ARL5B: variants seen among roughly 807,000 people sequenced by gnomAD.
The protein encoded by ARL5B is ARF like GTPase 5B.
Under a neutral mutation model 26.9 loss-of-function variants are expected in ARL5B, and 10 were observed. That is an observed-to-expected ratio of 0.37 (90% CI 0.23 to 0.63). The LOEUF is 0.63. Ranked by LOEUF, ARL5B falls within the 30% of genes least tolerant of loss-of-function variation. The pLI, the probability that ARL5B is intolerant of heterozygous loss-of-function variation, is 0.62. For synonymous variants in ARL5B, 87 were observed against 70.4 expected, an observed-to-expected ratio of 1.24 and a Z score of -1.18; for missense variants, 167 against 213.9, an observed-to-expected ratio of 0.78 and a Z score of 1.37.
rs113818075 is a variant in ARL5B at position 18,668,375 on chromosome 10, T to C, written c.108-155T>C. Among the ~76,000 whole-genome samples the C allele has an allele frequency of 4.9e-3, 740 of 152,236 alleles. 3 individuals are homozygous for C. Among genetic ancestry groups the C allele is most frequent in the African/African-American group, 0.015 (613 of 41,568 alleles). On this transcript the variant is annotated intron_variant, in intron 2 of 5. Coordinates refer to ENST00000377275, the MANE Select transcript of ARL5B (RefSeq NM_178815.5). ...TTCTTCTGGAGTTGTTATCTAGATA[T>C]TGATTTGCGCAAGTGTTCTCCAGGT...
At chr10:18,669,752 G>A (rs1474710879) in intron 3 of ARL5B, among the ~76,000 whole-genome samples, 3 of 152,116 alleles carry the variant, frequency 2.0e-5, no homozygotes, top group Non-Finnish European at 4.4e-5. Flanking sequence ...CAGCACTTTG[G>A]GAGGCCGAGG....
chr10:18,664,591 C>A (rs924792178), intron 1 of ARL5B, among the ~76,000 whole-genome samples: 2 of 151,812 alleles, frequency 1.3e-5, no homozygotes, highest in African/African-American at 4.8e-5. Flanking sequence ...GCACCCGCCA[C>A]CATGCCCGGC....
chr10:18,668,770 CTTTT>C (rs34027786), intron 3 of ARL5B, 93 bp downstream of exon 3: 1,112 of 902,258 alleles, frequency 1.2e-3, no homozygotes, highest in East Asian at 1.8e-3. Context: ...TGACAGTTGC[CTTTT>C]TTTTTTTTTT....
chr10:18,660,524 G>A (rs2059827538), intron 1 of ARL5B, among the ~76,000 whole-genome samples: 1 of 152,176 alleles, frequency 6.6e-6, no homozygotes, highest in Non-Finnish European at 1.5e-5. Context: ...TTACATTTAA[G>A]AGCCGGGCAT....
At chr10:18,662,414 G>A (rs1415336816) in intron 1 of ARL5B, among the ~76,000 whole-genome samples, 2 of 152,112 alleles carry the variant, frequency 1.3e-5, no homozygotes, top group Admixed American at 6.6e-5. Context: ...TCTAAGTAAA[G>A]CAATGTAAAA....
intron 2 of ARL5B, 120 bp downstream of exon 2, chr10:18,666,755 G>GT (rs1224613340): frequency 6.0e-6 from 5 of 831,164 alleles, no homozygotes; most frequent in African/African-American, 3.5e-5. Flanking sequence ...TTTGTTTTTT[G>GT]TTTTTTTAAT....
At position 18,680,864 on chromosome 10, in the gene ARL5B, C is replaced by T. The variant is rs1423657019; in HGVS notation, c.*5648C>T. ...TCTAATCAGAGTGAATGATTATAAT[C>T]ACACTTTGCTATTTTAACATAAATT... is the stretch of plus-strand genomic sequence containing the variant. On this transcript the variant is annotated 3_prime_UTR_variant, in exon 6 of 6. Transcript: ENST00000377275. 1 of 152,074 alleles carries T rather than the reference C, an allele frequency of 6.6e-6. No homozygotes were observed. The highest frequency in any genetic ancestry group is 2.4e-5 in the African/African-American group (1 of 41,408). The allele number at this position is 152,074 out of a possible 1,614,324, so 9.4% of individuals were successfully genotyped here.
At chr10:18,675,088 T>G in intron 5 of ARL5B, 80 bp from the exon 6 acceptor site, 1 of 1,325,628 alleles carries the variant, frequency 7.5e-7, no homozygotes, top group Non-Finnish European at 1.1e-6. Flanking sequence ...AGCCTTTGGT[T>G]AAGACCTAAA....
rs1191989096 is a variant in ARL5B, at chr10:18,661,032, A to G, written c.46+1349A>G. 2.6e-5 allele frequency among the ~76,000 whole-genome samples: 4 copies of G among 152,086 alleles called. No individual in the cohort carries two copies. In the East Asian group the frequency reaches 7.7e-4, roughly 29 times the overall value. On this transcript the variant is annotated intron_variant, in intron 1 of 5. Coordinates refer to ENST00000377275, the MANE Select transcript of ARL5B (RefSeq NM_178815.5). ...CCCGGCCTATTTTTGTATCTTTAGT[A>G]GAGACAGGGTTTCGCCATGTTGGGC...
rs1019871307 is a variant in ARL5B at position 18,666,817 on chromosome 10, C to A, written c.107+182C>A. Among the ~76,000 whole-genome samples, 7 of 151,732 alleles carry A rather than the reference C, an allele frequency of 4.6e-5. No individual in the cohort carries two copies. The East Asian group carries it at 1.4e-3, about 29-fold the overall frequency. On this transcript the variant is annotated intron_variant, in intron 2 of 5. Transcript: ENST00000377275. The stretch of plus-strand genomic sequence containing the variant: ...TGAGTGAAATAAACATTTGCTAAAC[C>A]CTTCACAAACACTTATTGTTTTCTG...
Position 18,666,511 on chromosome 10 carries a change from T to A in ARL5B, c.47-64T>A, listed in dbSNP as rs2059861814. On this transcript the variant is annotated intron_variant, in intron 1 of 5. Coordinates refer to ENST00000377275, the MANE Select transcript of ARL5B (RefSeq NM_178815.5). ...TAATGAGCTAACTAATAATCATTGTTGAAAGCATGTAATTGCAGTAATGCA... is the reference window on the plus strand; with the variant it reads ...TAATGAGCTAACTAATAATCATTGTAGAAAGCATGTAATTGCAGTAATGCA... The A allele has an allele frequency of 2.3e-6, 3 of 1,323,160 alleles. No individual in the cohort carries two copies. In the East Asian group the frequency reaches 7.2e-5, roughly 32 times the overall value. 82.0% of individuals were successfully genotyped at this position (1,323,160 alleles called of 1,614,324 possible).
intron 4 of ARL5B, among the ~76,000 whole-genome samples, chr10:18,673,295 C>T (rs748400488): frequency 2.0e-5 from 3 of 151,910 alleles, no homozygotes; most frequent in Non-Finnish European, 2.9e-5. Context: ...TTCCTGATGT[C>T]GTTATCCGCC....
At chr10:18,666,754 T>C (rs2059863057) in intron 2 of ARL5B, 119 bp downstream of exon 2, 1 of 856,264 alleles carries the variant, frequency 1.2e-6, no homozygotes, top group African/African-American at 1.7e-5. Flanking sequence ...TTTTGTTTTT[T>C]GTTTTTTTAA....
intron 1 of ARL5B, among the ~76,000 whole-genome samples, chr10:18,663,839 C>T (rs751281624): frequency 6.6e-5 from 10 of 151,116 alleles, no homozygotes; most frequent in African/African-American, 1.9e-4. Context: ...TGAGCTACTG[C>T]GCCCGGCCCC....
At chr10:18,665,801 A>G (rs182173216) in intron 1 of ARL5B, among the ~76,000 whole-genome samples, 1 of 152,340 alleles carries the variant, frequency 6.6e-6, no homozygotes, top group East Asian at 1.9e-4. Flanking sequence ...GTGAAAATCT[A>G]GGAAAGATGG....
At position 18,666,584 on chromosome 10, in the gene ARL5B, T is replaced by G. The variant is rs563873388; in HGVS notation, c.56T>G (p.Val19Gly). 6.2e-7 allele frequency: 1 copy of G among 1,608,310 alleles called. No individual in the cohort carries two copies. The highest frequency in any genetic ancestry group is 1.1e-5 in the South Asian group (1 of 89,658). The change falls in exon 2 of 6, where the codon GTA becomes GGA. Residue 19 changes from valine to glycine, a missense_variant. Val to Gly is a moderately radical substitution (Grantham distance 109). Coordinates refer to ENST00000377275, the MANE Select transcript of ARL5B (RefSeq NM_178815.5). ...TGCTTTCTTTTTGTAGAACACAAAG[T>G]AATTATAGTGGGACTGGATAATGCA... ...WSLFCNQEHKVIIVGLDNAGK... is the reference protein window; with the variant it reads ...WSLFCNQEHKGIIVGLDNAGK...
intron 5 of ARL5B, 121 bp downstream of exon 5, chr10:18,674,256 G>T: frequency 1.1e-6 from 1 of 912,036 alleles, no homozygotes. Flanking sequence ...AATTAAAGGT[G>T]ACTTTTATAA....
chr10:18,659,969 A>C (rs111984477), intron 1 of ARL5B: 2 of 982,980 alleles, frequency 2.0e-6, no homozygotes, highest in African/African-American at 3.5e-5. Flanking sequence ...TAATGATGCC[A>C]GGAGGCGTAT....
Position 18,675,296 on chromosome 10 carries a change from C to T in ARL5B, c.*80C>T. On this transcript the variant is annotated 3_prime_UTR_variant, in exon 6 of 6. Transcript: ENST00000377275. ...CTAGTACCTTTGGCTGCTAAGGCAG[C>T]AGCATGTTTAATTTATAACAACACA... The T allele has an allele frequency of 7.3e-7, 1 of 1,365,986 alleles. No individual in the cohort carries two copies. The highest frequency in any genetic ancestry group is 2.3e-5 in the East Asian group (1 of 43,656). The allele number at this position is 1,365,986 out of a possible 1,614,324, so 84.6% of individuals were successfully genotyped here. A position where few individuals can be genotyped will look rare whatever the true frequency, so the allele number is the denominator to read the frequency against.
Sources: allele counts gnomAD v4.1 joint callset (sites outside exome capture counted in the v4.1 genomes callset), GRCh38; gene constraint gnomAD v4.1.1; transcripts MANE v1.5; gene names NCBI Gene and HGNC (gene_info 2026-07-23, HGNC 2026-07-21).